The following ZNF676 variants were observed in gnomAD, a reference collection of about 807,000 sequenced individuals.
ZNF676 encodes the protein zinc finger protein 676.
Under a neutral mutation model 6.0 loss-of-function variants are expected in ZNF676, and 4 were observed. The observed-to-expected ratio is 0.67, with a 90% CI of 0.33 to 1.53. ZNF676 has a LOEUF of 1.53. Ranked by LOEUF, ZNF676 falls within the 40% of genes most tolerant of loss-of-function variation. The pLI is 0.06. For missense variants in ZNF676, 644 were observed against 679.7 expected (o/e 0.95, Z 0.58); for synonymous variants, 198 against 223.1 (o/e 0.89, Z 1.00).
chr19:22,189,911 A>G (rs1301650088), intron 2 of ZNF676, among the ~76,000 whole-genome samples: 3 of 152,170 alleles, frequency 2.0e-5, no homozygotes, highest in Non-Finnish European at 2.9e-5. Flanking sequence ...AAAAGCTTTT[A>G]CACTGCTGAG....
At chr19:22,219,869 G>A (rs60119883), upstream of ZNF676, among the ~76,000 whole-genome samples, 4,536 of 151,964 alleles carry the variant, frequency 0.03, 226 homozygotes, top group African/African-American at 0.1. Flanking sequence ...TGGCCAAGCT[G>A]ATCTCAAACT....
intron 2 of ZNF676, among the ~76,000 whole-genome samples, chr19:22,189,609 G>T (rs1353813030): frequency 6.6e-6 from 1 of 151,996 alleles, no homozygotes; most frequent in Non-Finnish European, 1.5e-5. Context: ...GAAAAATTTT[G>T]CAATCTATCC....
chr19:22,199,955 T>C (rs577819846), upstream of ZNF676, among the ~76,000 whole-genome samples: 1 of 152,288 alleles, frequency 6.6e-6, no homozygotes, highest in African/African-American at 2.4e-5. Context: ...ACAGTATTCA[T>C]GACCCAAAAC....
chr19:22,182,593 A>AAAAAAAAAAACAAAC (rs1356303631), intron 2 of ZNF676, among the ~76,000 whole-genome samples: 1 of 90,930 alleles, frequency 1.1e-5, no homozygotes, highest in Non-Finnish European at 2.1e-5. Flanking sequence ...TCTAAAAAAA[A>AAAAAAAAAAACAAAC]AAAAAAAAAG....
the ZNF676 span, among the ~76,000 whole-genome samples, chr19:22,222,108 AT>A: frequency 0.43 from 64,141 of 150,818 alleles, 14,380 homozygotes; most frequent in African/African-American, 0.58. Context: ...GCTAAAATAT[AT>A]TTTTTTTTTC....
chr19:22,256,559 G>A, the ZNF676 span, among the ~76,000 whole-genome samples: 6 of 152,264 alleles, frequency 3.9e-5, no homozygotes, highest in East Asian at 1.2e-3. Flanking sequence ...GGTAGAAGAG[G>A]ACAGTCATAT....
chr19:22,216,102 A>G (rs1267628508), upstream of ZNF676, among the ~76,000 whole-genome samples: 2 of 152,236 alleles, frequency 1.3e-5, no homozygotes, highest in African/African-American at 4.8e-5. Flanking sequence ...AAACTTTTGT[A>G]CAAGAGTAAA....
chr19:22,220,288 T>A (rs1181001480), upstream of ZNF676, among the ~76,000 whole-genome samples: 2 of 152,168 alleles, frequency 1.3e-5, no homozygotes, highest in African/African-American at 4.8e-5. Flanking sequence ...TCTTTTATTA[T>A]GTCTTTTCAT....
At chr19:22,202,151 A>T (rs937373578) in intron 1 of ZNF676, among the ~76,000 whole-genome samples, 1 of 152,158 alleles carries the variant, frequency 6.6e-6, no homozygotes, top group African/African-American at 2.4e-5. Flanking sequence ...TGTGGGCATT[A>T]TAGCATGAGG....
chr19:22,196,752 A>G lies in ZNF676; in HGVS notation c.-119T>C, dbSNP rs142529553. Reference sequence around the variant, plus strand: ...CTGGAAAACACACACAAACACATATATTTACCAATTGGTCATGGGCAGAAC... The same window carrying G: ...CTGGAAAACACACACAAACACATATGTTTACCAATTGGTCATGGGCAGAAC... On this transcript the variant is annotated 5_prime_UTR_variant, in exon 1 of 3. Transcript: ENST00000397121. 15 of 1,574,972 alleles carry G rather than the reference A, an allele frequency of 9.5e-6. No homozygotes were observed. The African/African-American group carries it at 2.0e-4, about 21-fold the overall frequency.
At position 22,196,817 on chromosome 19, in the gene ZNF676, A is replaced by G. The variant is rs1308659489; in HGVS notation, c.-184T>C. On this transcript the variant is annotated 5_prime_UTR_variant, in exon 1 of 3. Coordinates refer to ENST00000397121, the MANE Select transcript of ZNF676 (RefSeq NM_001001411.3). ...AAGGTAAAATGGAGAGAGTAGAGAG[A>G]GCTGGTTCTGACTTATATGAATGAC... 11 of 1,200,320 alleles carry G rather than the reference A, an allele frequency of 9.2e-6. No homozygotes were observed. Among genetic ancestry groups the G allele is most frequent in the Non-Finnish European group, 1.3e-5 (11 of 835,310 alleles). The allele number at this position is 1,200,320 out of a possible 1,614,324, so 74.4% of individuals were successfully genotyped here.
chr19:22,226,858 C>T, the ZNF676 span, among the ~76,000 whole-genome samples: 1 of 152,130 alleles, frequency 6.6e-6, no homozygotes, highest in African/African-American at 2.4e-5. Context: ...CTCGGCCTCC[C>T]AAAGTTCTCG....
At chr19:22,198,382 A>G (rs143258148), upstream of ZNF676, among the ~76,000 whole-genome samples, 8 of 152,304 alleles carry the variant, frequency 5.3e-5, no homozygotes, top group African/African-American at 1.9e-4. Context: ...AGAATTTTTT[A>G]AAGCAGTTAA....
chr19:22,189,765 G>A (rs948968804), intron 2 of ZNF676, among the ~76,000 whole-genome samples: 8 of 151,996 alleles, frequency 5.3e-5, no homozygotes, highest in African/African-American at 1.9e-4. Context: ...ACAGACACAT[G>A]AAAAAAAGCA....
chr19:22,206,413 C>T (rs1400214107), intron 1 of ZNF676, among the ~76,000 whole-genome samples: 1 of 152,154 alleles, frequency 6.6e-6, no homozygotes, highest in East Asian at 1.9e-4. Context: ...TGGCTCATGC[C>T]TGTAATCGCA....
chr19:22,201,252 C>A (rs2024023070), upstream of ZNF676, among the ~76,000 whole-genome samples: 1 of 152,156 alleles, frequency 6.6e-6, no homozygotes, highest in African/African-American at 2.4e-5. Flanking sequence ...CTTACAGATT[C>A]TGCCATCAGA....
chr19:22,184,205 G>T lies in ZNF676; in HGVS notation c.131-2619C>A, dbSNP rs79168636. Reference sequence around the variant, plus strand: ...TTGAACAGTGGATGCAGCTCATGGAGGGTGAGCCGAAGTGGGGTGCAGTGT... The same window carrying T: ...TTGAACAGTGGATGCAGCTCATGGATGGTGAGCCGAAGTGGGGTGCAGTGT... On this transcript the variant is annotated intron_variant, in intron 2 of 2. Transcript: ENST00000397121. Among the ~76,000 whole-genome samples the T allele has an allele frequency of 3.9e-3, 587 of 152,262 alleles. 8 individuals carry two copies. The East Asian group carries it at 0.04, about 10-fold the overall frequency.
chr19:22,221,962 A>G, the ZNF676 span, among the ~76,000 whole-genome samples: 2 of 152,054 alleles, frequency 1.3e-5, no homozygotes, highest in African/African-American at 4.8e-5. Context: ...TCTTGATGAT[A>G]TGTCTAATGC....
At chr19:22,195,698 T>C (rs1183197691) in intron 1 of ZNF676, among the ~76,000 whole-genome samples, 1 of 152,174 alleles carries the variant, frequency 6.6e-6, no homozygotes, top group African/African-American at 2.4e-5. Flanking sequence ...AAACTTACAA[T>C]TGAAAGAGCA....
Sources: allele counts gnomAD v4.1 joint callset (sites outside exome capture counted in the v4.1 genomes callset), GRCh38; gene constraint gnomAD v4.1.1; transcripts MANE v1.5; gene names NCBI Gene and HGNC (gene_info 2026-07-23, HGNC 2026-07-21).